Variants in SMC2 observed in about 807,000 individuals in gnomAD.
SMC2 encodes structural maintenance of chromosomes protein 2.
In SMC2, 41 loss-of-function variants were observed where a neutral mutation model predicts 142.6. That is an observed-to-expected ratio of 0.29 (90% confidence interval 0.22 to 0.37). SMC2 has a LOEUF of 0.37. SMC2 is among the 10% of genes least tolerant of loss of function. SMC2 has a pLI of 1.00. For missense variants in SMC2, 1,265 were observed against 1,373.7 expected (o/e 0.92, Z 1.25); for synonymous variants, 463 against 457.5 (o/e 1.01, Z -0.15).
At chr9:104,090,819 G>A (rs926131871), upstream of SMC2, among the ~76,000 whole-genome samples, 5 of 142,318 alleles carry the variant, frequency 3.5e-5, no homozygotes, top group Admixed American at 2.1e-4. Context: ...GTTAGGAACT[G>A]AAAAGCTAAA....
intron 20 of SMC2, among the ~76,000 whole-genome samples, chr9:104,128,808 C>T (rs1834600026): frequency 6.6e-6 from 1 of 152,122 alleles, no homozygotes; most frequent in South Asian, 2.1e-4. Flanking sequence ...TTTCAATATA[C>T]TGTGCCTTTT....
At chr9:104,113,878 G>A (rs1587939144) in intron 11 of SMC2, 86 bp from the exon 12 acceptor site, 2 of 763,510 alleles carry the variant, frequency 2.6e-6, no homozygotes, top group East Asian at 5.6e-5. Flanking sequence ...TGCATGCTTT[G>A]GAAATAGTGG....
chr9:104,110,364 T>C (rs1012231434), intron 9 of SMC2, among the ~76,000 whole-genome samples: 11 of 152,244 alleles, frequency 7.2e-5, no homozygotes, highest in African/African-American at 2.4e-4. Flanking sequence ...ATAAATACAC[T>C]ACAGTACTGT....
chr9:104,115,722 T>TTACTC (rs1258995130), intron 13 of SMC2, among the ~76,000 whole-genome samples: 4 of 152,076 alleles, frequency 2.6e-5, no homozygotes, highest in Non-Finnish European at 5.9e-5. Context: ...CACCTAAAAT[T>TTACTC]TACTCTTAGC....
intron 1 of SMC2, 129 bp downstream of exon 1, chr9:104,094,606 T>C (rs1408713270): frequency 1.1e-5 from 4 of 379,306 alleles, no homozygotes; most frequent in African/African-American, 8.4e-5. Context: ...GGACCTTAGG[T>C]GATCCTTAGA....
At chr9:104,135,406 A>AG (rs1835421613) in intron 23 of SMC2, among the ~76,000 whole-genome samples, 1 of 152,096 alleles carries the variant, frequency 6.6e-6, no homozygotes, top group South Asian at 2.1e-4. Flanking sequence ...AATCTGTTCA[A>AG]GCTACATTGA....
chr9:104,129,517 A>T (rs1245129705), intron 20 of SMC2, 128 bp from the exon 21 acceptor site: 4 of 776,650 alleles, frequency 5.2e-6, no homozygotes, highest in Non-Finnish European at 6.3e-6. Context: ...AAAAAAAAAA[A>T]ATTAGTCATT....
At chr9:104,090,347 T>C (rs1829968881), upstream of SMC2, among the ~76,000 whole-genome samples, 1 of 152,152 alleles carries the variant, frequency 6.6e-6, no homozygotes, top group African/African-American at 2.4e-5. Flanking sequence ...TGAGTTTTAA[T>C]GTCCAAGCAC....
chr9:104,105,950 A>G (rs1831717870), intron 9 of SMC2, among the ~76,000 whole-genome samples: 1 of 152,120 alleles, frequency 6.6e-6, no homozygotes, highest in Admixed American at 6.5e-5. Flanking sequence ...CTCCCACCTA[A>G]CACACTCCTG....
At chr9:104,126,896 A>AGT in intron 19 of SMC2, 112 bp downstream of exon 19, 2 of 1,059,386 alleles carry the variant, frequency 1.9e-6, no homozygotes, top group Non-Finnish European at 2.7e-6. Flanking sequence ...TCATCATGAG[A>AGT]GAATGAGGCA....
rs1449678220 is a variant in SMC2, at chr9:104,140,016, G to C, written c.*701G>C. 5 of 151,938 alleles carry C rather than the reference G, an allele frequency of 3.3e-5. No individual in the cohort carries two copies. Among genetic ancestry groups the C allele is most frequent in the African/African-American group, 1.2e-4 (5 of 41,362 alleles). The allele number at this position is 151,938 out of a possible 1,614,324, so 9.4% of individuals were successfully genotyped here. A position where few individuals can be genotyped will look rare whatever the true frequency, so the allele number is the denominator to read the frequency against. On this transcript the variant is annotated 3_prime_UTR_variant, in exon 25 of 25. Transcript: ENST00000374793. The stretch of plus-strand genomic sequence containing the variant: ...TAATGTTTTTGTTTTTTTAAGCTGT[G>C]TAAGTATTTTTAAATCAAAGCTTAG...
intron 10 of SMC2, 127 bp from the exon 11 acceptor site, chr9:104,113,189 A>G (rs895889175): frequency 4.9e-6 from 3 of 611,000 alleles, no homozygotes; most frequent in East Asian, 3.0e-5. Context: ...TACTAATCCA[A>G]GAGACCAAAC....
chr9:104,116,831 T>C (rs1475896817), intron 14 of SMC2, among the ~76,000 whole-genome samples: 4 of 152,168 alleles, frequency 2.6e-5, no homozygotes, highest in Non-Finnish European at 5.9e-5. Context: ...TGATCTAAAG[T>C]GACATGCTTG....
At chr9:104,098,853 A>G (rs895771586) in intron 4 of SMC2, among the ~76,000 whole-genome samples, 8 of 151,134 alleles carry the variant, frequency 5.3e-5, no homozygotes, top group African/African-American at 1.7e-4. Context: ...AAAAAAAGCC[A>G]TAATATATCC....
At chr9:104,137,061 T>C (rs1307820699) in intron 23 of SMC2, among the ~76,000 whole-genome samples, 1 of 152,106 alleles carries the variant, frequency 6.6e-6, no homozygotes, top group Non-Finnish European at 1.5e-5. Flanking sequence ...GGCAGTAGAA[T>C]TGCTTGAACC....
In SMC2 at chr9:104,118,191, T is replaced by A. The variant is rs757537511; in HGVS notation, c.1812T>A (p.His604Gln). The A allele has an allele frequency of 3.7e-5, 59 of 1,613,716 alleles. No individual in the cohort carries two copies. The highest frequency in any genetic ancestry group is 3.9e-5 in the Non-Finnish European group (46 of 1,179,760). ...AQNLVGPDNV[H>Q]VALSLVEYKP... The stretch of plus-strand genomic sequence containing the variant: ...CACAGGTTGGCCCTGACAACGTTCA[T>A]GTGGCTCTTTCCTTGGTTGAATATA... The change falls in exon 15 of 25, where the codon CAT becomes CAA. Residue 604 changes from histidine to glutamine, a missense_variant. This residue lies in a region of SMC2 where 898 missense variants were observed against 904.2 expected (regional missense o/e 0.99). Transcript: ENST00000374793.
chr9:104,131,676 T>C (rs1303077181), intron 21 of SMC2, among the ~76,000 whole-genome samples: 1 of 145,684 alleles, frequency 6.9e-6, no homozygotes, highest in Non-Finnish European at 1.5e-5. Flanking sequence ...TTGCCTTGGC[T>C]GCTAAGGAGA....
intron 13 of SMC2, 63 bp downstream of exon 13, chr9:104,114,892 A>G (rs1363260482): frequency 1.5e-6 from 2 of 1,355,230 alleles, no homozygotes; most frequent in Non-Finnish European, 2.0e-6. Flanking sequence ...ATGTGCTGCT[A>G]AAAGAATTAA....
chr9:104,129,946 G>T, intron 21 of SMC2, 101 bp downstream of exon 21: 1 of 824,264 alleles, frequency 1.2e-6, no homozygotes, highest in East Asian at 2.6e-5. Context: ...ACCTTTTGCA[G>T]ATGTCCTTGA....
Sources: allele counts gnomAD v4.1 joint callset (sites outside exome capture counted in the v4.1 genomes callset), GRCh38; gene constraint gnomAD v4.1.1; regional missense constraint gnomAD v4.1.1; transcripts MANE v1.5; gene names NCBI Gene and HGNC (gene_info 2026-07-23, HGNC 2026-07-21).